CAST: variants seen among roughly 807,000 people sequenced by gnomAD.
CAST encodes MIR583 host.
Under a neutral mutation model 119.6 loss-of-function variants are expected in CAST, and 76 were observed. The ratio of observed to expected loss-of-function variants is 0.64; its 90% confidence interval spans 0.53 to 0.77. CAST has a LOEUF of 0.77. Ranked by LOEUF, CAST falls within the 30% of genes least tolerant of loss-of-function variation. The probability of loss-of-function intolerance (pLI) is 0.00; values close to 1 mark genes in which losing one functional copy is unlikely to be tolerated. For synonymous variants in CAST, 319 were observed against 331.6 expected (o/e 0.96, Z 0.41); for missense variants, 953 against 946.5 (o/e 1.01, Z -0.09).
chr5:96,174,794 T>A, the CAST span, among the ~76,000 whole-genome samples: 1 of 152,368 alleles, frequency 6.6e-6, no homozygotes, highest in South Asian at 2.1e-4. Context: ...CCTAACCATG[T>A]ACAATCTCTG....
At chr5:96,650,130 T>C (rs563133742) in intron 1 of CAST, among the ~76,000 whole-genome samples, 27 of 152,304 alleles carry the variant, frequency 1.8e-4, no homozygotes, top group South Asian at 4.1e-4. Context: ...CATACAATGC[T>C]CATCAAATAC....
Position 96,560,811 on chromosome 5 carries a change from G to A in CAST, c.60+30931G>A, listed in dbSNP as rs1746343619. On this transcript the variant is annotated intron_variant, in intron 1 of 11. Coordinates refer to the CAST transcript ENST00000505143. ...CAGTGTGGCGATTCCTCAGGGATCT[G>A]GAACTAGAAATACCATTTGACCCAG... is the stretch of plus-strand genomic sequence containing the variant. 5.3e-5 allele frequency among the ~76,000 whole-genome samples: 8 copies of A among 152,154 alleles called. No homozygotes were observed. In the South Asian group the frequency reaches 1.5e-3, roughly 28 times the overall value.
At chr5:96,167,875 A>G in the CAST span, among the ~76,000 whole-genome samples, 1 of 152,184 alleles carries the variant, frequency 6.6e-6, no homozygotes, top group African/African-American at 2.4e-5. Flanking sequence ...CCCGAGCTTC[A>G]TGTGTAGGGA....
At chr5:96,174,914 A>G in the CAST span, among the ~76,000 whole-genome samples, 1,013 of 152,196 alleles carry the variant, frequency 6.7e-3, 11 homozygotes, top group African/African-American at 0.023. Context: ...TTTCCTCCTC[A>G]ATCTTTTTGT....
intron 1 of CAST, among the ~76,000 whole-genome samples, chr5:96,655,674 T>C (rs1748149227): frequency 6.6e-6 from 1 of 152,238 alleles, no homozygotes; most frequent in African/African-American, 2.4e-5. Context: ...AATTTAACAA[T>C]ATATTCTGGC....
the CAST span, among the ~76,000 whole-genome samples, chr5:95,994,013 G>A: frequency 1.3e-5 from 2 of 151,950 alleles, no homozygotes; most frequent in South Asian, 2.1e-4. Flanking sequence ...TAAAAGCCTG[G>A]CAATCTCAAG....
intron 1 of CAST, among the ~76,000 whole-genome samples, chr5:96,619,604 T>G (rs972907590): frequency 3.3e-5 from 5 of 152,192 alleles, no homozygotes; most frequent in Non-Finnish European, 7.3e-5. Context: ...TGCGCTTCCT[T>G]TATGAGCTGT....
At chr5:96,571,531 T>C (rs1746566879) in intron 1 of CAST, among the ~76,000 whole-genome samples, 1 of 152,240 alleles carries the variant, frequency 6.6e-6, no homozygotes, top group Admixed American at 6.5e-5. Context: ...CCTCTAAAGA[T>C]GATCATAGTT....
chr5:96,350,383 T>C, the CAST span, among the ~76,000 whole-genome samples: 1 of 152,114 alleles, frequency 6.6e-6, no homozygotes, highest in East Asian at 1.9e-4. Context: ...TACATCAGAG[T>C]AAGCAATCAG....
the CAST span, among the ~76,000 whole-genome samples, chr5:96,351,410 AG>A: frequency 1.3e-5 from 2 of 152,168 alleles, no homozygotes; most frequent in African/African-American, 4.8e-5. Flanking sequence ...ACATTGCTTC[AG>A]CAATGGGTAA....
chr5:96,164,046 ACT>A, the CAST span, among the ~76,000 whole-genome samples: 4 of 152,184 alleles, frequency 2.6e-5, no homozygotes, highest in Non-Finnish European at 5.9e-5. Context: ...AAAAAAAAAC[ACT>A]GAGACTAGTG....
chr5:96,280,703 C>A, the CAST span, among the ~76,000 whole-genome samples: 2 of 152,040 alleles, frequency 1.3e-5, no homozygotes, highest in Admixed American at 6.5e-5. Context: ...GAACTATGAA[C>A]CACTTTACTA....
the CAST span, among the ~76,000 whole-genome samples, chr5:96,410,247 G>A: frequency 2.0e-5 from 3 of 152,052 alleles, no homozygotes; most frequent in Admixed American, 1.3e-4. Flanking sequence ...CGACCTCCCC[G>A]AGCTGCTTAC....
the CAST span, among the ~76,000 whole-genome samples, chr5:96,380,866 G>T: frequency 6.6e-6 from 1 of 152,260 alleles, no homozygotes; most frequent in South Asian, 2.1e-4. Flanking sequence ...AAAATTACGC[G>T]TGGGTAAAAA....
At chr5:96,032,285 T>C in the CAST span, among the ~76,000 whole-genome samples, 1 of 152,116 alleles carries the variant, frequency 6.6e-6, no homozygotes, top group South Asian at 2.1e-4. Flanking sequence ...CTAGGAAAAG[T>C]TGTGTCATTT....
chr5:96,741,570 A>G lies in CAST; in HGVS notation c.1088A>G (p.Lys363Arg), dbSNP rs1314244377. ...SAAPPQEKKR[K>R]VEKDTMSDQA... Reference sequence around the variant, plus strand: ...GCTCCACCCCAAGAGAAGAAAAGAAAGGTGGAGAAGGTATAGTCACAGTCT... The same window carrying G: ...GCTCCACCCCAAGAGAAGAAAAGAAGGGTGGAGAAGGTATAGTCACAGTCT... The change falls in exon 15 of 32, where the codon AAG becomes AGG. Residue 363 changes from lysine (K) to arginine (R), a missense_variant. Lys to Arg is a conservative substitution (Grantham distance 26). Transcript: ENST00000675179. The G allele has an allele frequency of 1.2e-6, 2 of 1,610,624 alleles. No individual in the cohort carries two copies. Among genetic ancestry groups the G allele is most frequent in the African/African-American group, 2.7e-5 (2 of 74,858 alleles).
intron 1 of CAST, among the ~76,000 whole-genome samples, chr5:96,599,298 G>T (rs2150193545): frequency 6.6e-6 from 1 of 152,330 alleles, no homozygotes; most frequent in East Asian, 1.9e-4. Flanking sequence ...TCCTCAGACT[G>T]ATCTTATTCA....
chr5:96,258,104 A>C, the CAST span, among the ~76,000 whole-genome samples: 1 of 152,292 alleles, frequency 6.6e-6, no homozygotes, highest in Non-Finnish European at 1.5e-5. Flanking sequence ...GGAAACTCAC[A>C]TTACTGTATT....
At chr5:96,490,868 A>G in the CAST span, among the ~76,000 whole-genome samples, 1 of 152,126 alleles carries the variant, frequency 6.6e-6, no homozygotes, top group Admixed American at 6.5e-5. Flanking sequence ...GGTACCAGAA[A>G]TTTTAAAAAT....
Sources: gnomAD v4.1 joint callset for allele counts (sites outside exome capture counted in the v4.1 genomes callset) on GRCh38, gnomAD v4.1.1 for gene constraint, MANE v1.5 for transcripts, NCBI Gene and HGNC (gene_info 2026-07-23, HGNC 2026-07-21) for gene names.